The following TMEM135 variants were observed in gnomAD, a reference collection of about 807,000 sequenced individuals.
TMEM135 encodes the protein peroxisomal membrane protein 52.
Under a neutral mutation model 60.3 loss-of-function variants are expected in TMEM135, and 30 were observed. The ratio of observed to expected loss-of-function variants is 0.50; its 90% CI spans 0.37 to 0.68. TMEM135 has a LOEUF of 0.68. Ranked by LOEUF, TMEM135 falls within the 30% of genes least tolerant of loss-of-function variation. TMEM135 has a pLI of 0.00. For synonymous variants in TMEM135, 190 were observed against 186.7 expected, an observed-to-expected ratio of 1.02 and a Z score of -0.14; for missense variants, 468 against 548.8, an observed-to-expected ratio of 0.85 and a Z score of 1.47.
chr11:87,118,290 TA>T (rs1337593709), intron 4 of TMEM135, among the ~76,000 whole-genome samples: 1 of 152,186 alleles, frequency 6.6e-6, no homozygotes, highest in Non-Finnish European at 1.5e-5. Context: ...GTCTGTTCTC[TA>T]AAGGTTTGAA....
intron 4 of TMEM135, among the ~76,000 whole-genome samples, chr11:87,147,010 A>T (rs1938434077): frequency 6.6e-6 from 1 of 152,168 alleles, no homozygotes; most frequent in South Asian, 2.1e-4. Flanking sequence ...CTACGTGATT[A>T]AAGGTATTGT....
At chr11:87,112,441 A>G (rs1312892338) in intron 4 of TMEM135, among the ~76,000 whole-genome samples, 5 of 152,014 alleles carry the variant, frequency 3.3e-5, no homozygotes, top group Non-Finnish European at 7.4e-5. Context: ...TATCATTTGT[A>G]TGTGTTTCTT....
intron 5 of TMEM135, among the ~76,000 whole-genome samples, chr11:87,196,538 C>T (rs753777590): frequency 6.6e-6 from 1 of 152,072 alleles, no homozygotes; most frequent in African/African-American, 2.4e-5. Context: ...GCTTAGATGC[C>T]TGGCAGTAGA....
intron 5 of TMEM135, among the ~76,000 whole-genome samples, chr11:87,171,354 A>G (rs1464860443): frequency 6.8e-6 from 1 of 148,080 alleles, no homozygotes; most frequent in African/African-American, 2.5e-5. Context: ...TTTTTTTTTA[A>G]TCACATTTCC....
chr11:87,100,444 T>G (rs1591019114), intron 4 of TMEM135, among the ~76,000 whole-genome samples: 1 of 152,318 alleles, frequency 6.6e-6, no homozygotes, highest in South Asian at 2.1e-4. Context: ...AGAAGTAAAC[T>G]TTTCTTATGA....
chr11:87,046,176 C>T (rs1002505982), intron 1 of TMEM135, among the ~76,000 whole-genome samples: 13 of 152,094 alleles, frequency 8.5e-5, no homozygotes, highest in Non-Finnish European at 1.0e-4. Context: ...GAGGCTGAGG[C>T]GGGAGGATCA....
intron 5 of TMEM135, among the ~76,000 whole-genome samples, chr11:87,176,517 T>G (rs574515976): frequency 9.6e-4 from 146 of 152,254 alleles, no homozygotes; most frequent in African/African-American, 3.4e-3. Flanking sequence ...AAGTATTATT[T>G]GAGATGGTTC....
intron 4 of TMEM135, among the ~76,000 whole-genome samples, chr11:87,104,089 A>G (rs74842303): frequency 0.013 from 2,044 of 152,060 alleles, 26 homozygotes; most frequent in Non-Finnish European, 0.021. Context: ...TCTTTAATCC[A>G]TTTTGAATTA....
chr11:87,311,038 CTGTTT>C, intron 10 of TMEM135, among the ~76,000 whole-genome samples: 1 of 150,508 alleles, frequency 6.6e-6, no homozygotes, highest in South Asian at 2.1e-4. Flanking sequence ...ATTTCTTTGA[CTGTTT>C]TAATGTATAT....
intron 4 of TMEM135, among the ~76,000 whole-genome samples, chr11:87,122,614 C>G (rs1029770865): frequency 6.6e-6 from 1 of 151,962 alleles, no homozygotes; most frequent in Non-Finnish European, 1.5e-5. Flanking sequence ...GTGCTTGCCA[C>G]CATGCCTAGC....
chr11:87,274,203 T>C (rs539836151), intron 6 of TMEM135, among the ~76,000 whole-genome samples: 6 of 152,066 alleles, frequency 3.9e-5, no homozygotes, highest in Non-Finnish European at 7.4e-5. Context: ...ACTAAATAAT[T>C]CTAAATAAAT....
At chr11:87,263,346 T>C (rs1941689915) in intron 6 of TMEM135, among the ~76,000 whole-genome samples, 1 of 152,200 alleles carries the variant, frequency 6.6e-6, no homozygotes, top group Non-Finnish European at 1.5e-5. Flanking sequence ...CATATTTTGT[T>C]ACTGCAATAT....
intron 4 of TMEM135, among the ~76,000 whole-genome samples, chr11:87,098,758 G>A (rs1375090163): frequency 6.6e-6 from 1 of 151,582 alleles, no homozygotes; most frequent in Non-Finnish European, 1.5e-5. Context: ...GTGCCATGTC[G>A]GCTCACTGCA....
chr11:87,116,941 G>A (rs1260231537), intron 4 of TMEM135, among the ~76,000 whole-genome samples: 1 of 151,780 alleles, frequency 6.6e-6, no homozygotes, highest in Non-Finnish European at 1.5e-5. Context: ...TCCTGCCTCA[G>A]CCTCCTGAGT....
intron 6 of TMEM135, among the ~76,000 whole-genome samples, chr11:87,259,471 C>T (rs919862558): frequency 3.9e-5 from 6 of 152,134 alleles, no homozygotes; most frequent in Admixed American, 2.0e-4. Context: ...TTTCCTCTTC[C>T]ATGGGTCTAT....
intron 5 of TMEM135, among the ~76,000 whole-genome samples, chr11:87,213,881 T>C (rs1319831850): frequency 6.6e-6 from 1 of 152,236 alleles, no homozygotes; most frequent in African/African-American, 2.4e-5. Flanking sequence ...ATATCCATTA[T>C]CTTGTTCTCA....
At chr11:87,105,730 C>G (rs1857578364) in intron 4 of TMEM135, among the ~76,000 whole-genome samples, 1 of 152,124 alleles carries the variant, frequency 6.6e-6, no homozygotes, top group South Asian at 2.1e-4. Flanking sequence ...TTTATCATTT[C>G]TTTGTGTTGA....
intron 3 of TMEM135, among the ~76,000 whole-genome samples, chr11:87,088,706 A>G (rs992265098): frequency 2.6e-5 from 4 of 152,186 alleles, no homozygotes; most frequent in East Asian, 1.9e-4. Flanking sequence ...CAATGTCACA[A>G]TCTCCAAAGA....
rs1406676603 is a variant in TMEM135 at position 87,322,659 on chromosome 11, G to A, written c.*1326G>A. On this transcript the variant is annotated 3_prime_UTR_variant, in exon 15 of 15. Transcript: ENST00000305494. ...GTGCAAATTATGCAGTAGAACTTGT[G>A]TTGCAAAAGGAATTATAACCCATAC... 4.4e-6 allele frequency: 2 copies of A among 453,812 alleles called. No individual in the cohort carries two copies. Among genetic ancestry groups the A allele is most frequent in the Admixed American group, 4.7e-5 (2 of 42,532 alleles). The allele number at this position is 453,812 out of a possible 1,614,324, so 28.1% of individuals were successfully genotyped here.
Sources: gnomAD v4.1 joint callset for allele counts (sites outside exome capture counted in the v4.1 genomes callset) on GRCh38, gnomAD v4.1.1 for gene constraint, MANE v1.5 for transcripts, NCBI Gene and HGNC (gene_info 2026-07-23, HGNC 2026-07-21) for gene names.